Variants in MICU1 observed in about 807,000 individuals in gnomAD.
The protein encoded by MICU1 is calcium uptake protein 1, mitochondrial.
In MICU1, 45 loss-of-function variants were observed where a neutral mutation model predicts 56.8. That is an observed-to-expected ratio of 0.79 (90% CI 0.62 to 1.02). The LOEUF is 1.02. Ranked by LOEUF, MICU1 falls within the 50% of genes least tolerant of loss-of-function variation. MICU1 has a pLI of 0.00. For missense variants in MICU1, 504 were observed against 587.1 expected, an observed-to-expected ratio of 0.86 and a Z score of 1.46; for synonymous variants, 186 against 195.1, an observed-to-expected ratio of 0.95 and a Z score of 0.39.
At chr10:72,454,377 C>T (rs149379059) in intron 8 of MICU1, among the ~76,000 whole-genome samples, 6,222 of 150,520 alleles carry the variant, frequency 0.041, 374 homozygotes, top group East Asian at 0.19. Context: ...TTGCTTGAAC[C>T]GGGGAGATGG....
At chr10:72,516,937 G>A (rs775598892) in intron 5 of MICU1, among the ~76,000 whole-genome samples, 2 of 152,200 alleles carry the variant, frequency 1.3e-5, no homozygotes, top group Non-Finnish European at 2.9e-5. Flanking sequence ...TTGTTAAAGA[G>A]TGGTTCAGGC....
chr10:72,519,264 T>A (rs1035025669), intron 5 of MICU1, among the ~76,000 whole-genome samples: 3 of 152,344 alleles, frequency 2.0e-5, no homozygotes, highest in African/African-American at 7.2e-5. Context: ...TTCACTGATA[T>A]GACCTAGTCT....
At chr10:72,465,729 G>T (rs1198224655) in intron 8 of MICU1, among the ~76,000 whole-genome samples, 1 of 151,678 alleles carries the variant, frequency 6.6e-6, no homozygotes, top group Admixed American at 6.6e-5. Flanking sequence ...GGCCATGCTG[G>T]TCTCAAACTC....
intron 3 of MICU1, among the ~76,000 whole-genome samples, chr10:72,552,548 AT>A (rs1840059886): frequency 6.6e-6 from 1 of 152,048 alleles, no homozygotes; most frequent in Admixed American, 6.6e-5. Flanking sequence ...GTTTTATTTT[AT>A]TTTATTTATT....
chr10:72,394,584 T>C (rs1219025790), intron 10 of MICU1, among the ~76,000 whole-genome samples: 1 of 150,236 alleles, frequency 6.7e-6, no homozygotes, highest in Non-Finnish European at 1.5e-5. Context: ...TGAGATCACA[T>C]CACTGCACTC....
chr10:72,405,911 TTTCTC>T (rs913672362), intron 10 of MICU1, among the ~76,000 whole-genome samples: 124 of 152,240 alleles, frequency 8.1e-4, no homozygotes, highest in African/African-American at 2.9e-3. Context: ...ATTGAATACT[TTTCTC>T]TAAAGTTCAG....
intron 1 of MICU1, among the ~76,000 whole-genome samples, chr10:72,604,475 G>C (rs980877625): frequency 6.6e-6 from 1 of 151,774 alleles, no homozygotes; most frequent in Non-Finnish European, 1.5e-5. Flanking sequence ...GTTTCTCCAC[G>C]TTGGTCAGGC....
chr10:72,406,824 G>A (rs906811509), intron 10 of MICU1, among the ~76,000 whole-genome samples: 2 of 151,556 alleles, frequency 1.3e-5, no homozygotes, highest in Non-Finnish European at 1.5e-5. Flanking sequence ...ATGGAGTTTC[G>A]CCATGTTGAC....
chr10:72,590,275 T>C (rs943840806), intron 1 of MICU1, among the ~76,000 whole-genome samples: 1 of 152,042 alleles, frequency 6.6e-6, no homozygotes, highest in Admixed American at 6.6e-5. Flanking sequence ...ATCAAACAAA[T>C]AGACTTTAAA....
chr10:72,400,095 T>C (rs991761413), intron 10 of MICU1, among the ~76,000 whole-genome samples: 1 of 152,152 alleles, frequency 6.6e-6, no homozygotes, highest in African/African-American at 2.4e-5. Flanking sequence ...ACCCCAAACA[T>C]ACATCTCAAA....
chr10:72,440,544 C>T (rs1258607709), intron 8 of MICU1, among the ~76,000 whole-genome samples: 4 of 152,174 alleles, frequency 2.6e-5, no homozygotes, highest in Admixed American at 6.5e-5. Context: ...CCAAAATACA[C>T]AAATGGGATC....
At chr10:72,569,873 A>G (rs1000419203) in intron 1 of MICU1, among the ~76,000 whole-genome samples, 2 of 152,136 alleles carry the variant, frequency 1.3e-5, no homozygotes, top group Non-Finnish European at 2.9e-5. Context: ...TTGTAGAGGT[A>G]ATTCATTCAA....
At chr10:72,557,809 G>C (rs1436760497) in intron 3 of MICU1, among the ~76,000 whole-genome samples, 1 of 152,120 alleles carries the variant, frequency 6.6e-6, no homozygotes, top group Non-Finnish European at 1.5e-5. Flanking sequence ...ATGCTCAATA[G>C]TTTCCTTCCA....
chr10:72,489,290 TCACACACACACA>T (rs67070756), intron 6 of MICU1, among the ~76,000 whole-genome samples: 20 of 141,648 alleles, frequency 1.4e-4, no homozygotes, highest in Admixed American at 4.3e-4. Flanking sequence ...CGAGACTCTG[TCACACACACACA>T]CACACACACA....
At chr10:72,377,049 T>C (rs959764283) in intron 10 of MICU1, among the ~76,000 whole-genome samples, 3 of 152,216 alleles carry the variant, frequency 2.0e-5, no homozygotes, top group African/African-American at 7.2e-5. Flanking sequence ...CTACTGGTTT[T>C]GCACCAGACT....
chr10:72,377,430 A>G (rs1041082983), intron 10 of MICU1, among the ~76,000 whole-genome samples: 1 of 152,158 alleles, frequency 6.6e-6, no homozygotes, highest in Non-Finnish European at 1.5e-5. Context: ...GGCCCGGCCA[A>G]TAGTTCAGGA....
At chr10:72,592,242 C>T (rs750377460) in intron 1 of MICU1, among the ~76,000 whole-genome samples, 1 of 151,640 alleles carries the variant, frequency 6.6e-6, no homozygotes, top group Non-Finnish European at 1.5e-5. Context: ...CTCCTGACCT[C>T]GTGATCTGCC....
At chr10:72,448,193 A>ATATATAT (rs1172704084) in intron 8 of MICU1, among the ~76,000 whole-genome samples, 1 of 36,814 alleles carries the variant, frequency 2.7e-5, no homozygotes, top group African/African-American at 1.0e-4. Flanking sequence ...ATATATATAT[A>ATATATAT]TTTTTTTTTT....
chr10:72,504,940 C>A (rs772654796), intron 6 of MICU1, among the ~76,000 whole-genome samples: 1 of 151,574 alleles, frequency 6.6e-6, no homozygotes, highest in African/African-American at 2.4e-5. Context: ...CATCTCACAC[C>A]GGTCAGAATG....
Sources: gnomAD v4.1 joint callset for allele counts (sites outside exome capture counted in the v4.1 genomes callset) on GRCh38, gnomAD v4.1.1 for gene constraint, MANE v1.5 for transcripts, NCBI Gene and HGNC (gene_info 2026-07-23, HGNC 2026-07-21) for gene names.